The following EPS8L1 variants were observed in gnomAD, a reference collection of about 807,000 sequenced individuals.
EPS8L1 encodes the protein epidermal growth factor receptor kinase substrate 8-like protein 1.
EPS8L1 carries 101 observed loss-of-function variants against 91.7 expected under a neutral mutation model. The ratio of observed to expected loss-of-function variants is 1.10; its 90% CI spans 0.94 to 1.30. The LOEUF (loss-of-function observed/expected upper bound fraction) is 1.30. Among genes scored for constraint, EPS8L1 ranks in the 50% most tolerant of loss-of-function variants. EPS8L1 has a pLI of 0.00. For missense variants in EPS8L1, 1,114 were observed against 1,017.0 expected (o/e 1.10, Z -1.30); for synonymous variants, 506 against 445.3 (o/e 1.14, Z -1.72).
Position 55,083,514 on chromosome 19 carries a change from C to G in EPS8L1, c.1351C>G (p.Arg451Gly), listed in dbSNP as rs2076315426. ...ACAGCTACAGCACGAGCGGAGGCGC[C>G]GGCAGGTGACCCAAGCGACACAGCA... is the stretch of plus-strand genomic sequence containing the variant. ...EKQLQHERRR[R>G]QQSAPQVAVN... The change falls in exon 13 of 20, where the codon CGG becomes GGG. Residue 451 changes from arginine (R) to glycine (G), a missense_variant. Coordinates refer to ENST00000201647, the MANE Select transcript of EPS8L1 (RefSeq NM_133180.3). This position sits in a 1 kb window ranked among gnomAD's most constrained non-coding sequence, Gnocchi z 4.7. 1.2e-6 allele frequency: 2 copies of G among 1,609,426 alleles called. No homozygotes were observed. The highest frequency in any genetic ancestry group is 1.3e-5 in the African/African-American group (1 of 74,858).
At chr19:55,082,631 C>T (rs776905271) in intron 12 of EPS8L1, 29 bp downstream of exon 12, 3 of 1,539,302 alleles carry the variant, frequency 1.9e-6, no homozygotes, top group Non-Finnish European at 2.6e-6. Flanking sequence ...AGGCAGGGGG[C>T]ATGGTGATTG....
At chr19:55,080,407 A>C (rs1470009446) in intron 6 of EPS8L1, 129 bp downstream of exon 6, 1 of 1,581,638 alleles carries the variant, frequency 6.3e-7, no homozygotes, top group African/African-American at 1.3e-5. Flanking sequence ...AAGGAAGGGC[A>C]GGGGACCTGG....
In EPS8L1 at chr19:55,081,378, AGAG is replaced by A. The variant is rs2147143195; in HGVS notation, c.665_667del (p.Glu222del). ...CCCAGGCGAAGCCCATTCCCGAGGC[AGAG>A]GAGGCGCAGAGGCCTGAGCCGGTGG... On this transcript the variant is annotated inframe_deletion, in exon 8 of 20. Transcript: ENST00000201647. The surrounding 1 kb of genome is among the most constrained non-coding windows in gnomAD (Gnocchi z 4.9). 3.8e-6 allele frequency: 6 copies of A among 1,578,326 alleles called. No individual in the cohort carries two copies. Among genetic ancestry groups the A allele is most frequent in the Non-Finnish European group, 5.2e-6 (6 of 1,164,830 alleles).
intron 1 of EPS8L1, 173 bp from the exon 2 acceptor site, chr19:55,076,235 A>G: frequency 4.0e-6 from 2 of 501,514 alleles, no homozygotes; most frequent in Non-Finnish European, 6.9e-6. Context: ...GGGTCTAGGG[A>G]AGAGGGACTG....
chr19:55,076,535 C>A, intron 2 of EPS8L1, 74 bp downstream of exon 2: 2 of 1,541,622 alleles, frequency 1.3e-6, no homozygotes, highest in Non-Finnish European at 1.8e-6. Context: ...CCCACACCCG[C>A]TTGCGGCAGC....
chr19:55,079,543 G>A (rs768543036), intron 4 of EPS8L1, 147 bp from the exon 5 acceptor site: 18 of 910,570 alleles, frequency 2.0e-5, no homozygotes, highest in African/African-American at 3.4e-5. Context: ...ACTGGGAGGA[G>A]GAGCTGATTT....
intron 12 of EPS8L1, among the ~76,000 whole-genome samples, chr19:55,082,851 A>C (rs1307544569): frequency 1.9e-5 from 2 of 106,790 alleles, no homozygotes; most frequent in Non-Finnish European, 3.8e-5. Flanking sequence ...GGGGGCTTAA[A>C]GGAATAGAGG....
intron 2 of EPS8L1, among the ~76,000 whole-genome samples, chr19:55,077,777 C>A (rs935058382): frequency 2.0e-5 from 3 of 150,870 alleles, no homozygotes; most frequent in Non-Finnish European, 4.4e-5. Flanking sequence ...TTAGTAGAGA[C>A]AGGGTTTCAC....
intron 4 of EPS8L1, 90 bp from the exon 5 acceptor site, chr19:55,079,600 T>C: frequency 6.8e-7 from 1 of 1,466,032 alleles, no homozygotes; most frequent in Non-Finnish European, 9.2e-7. Flanking sequence ...GTGTGGTTAG[T>C]CTCAGGCTGA....
chr19:55,086,337 G>T, intron 16 of EPS8L1, 55 bp from the exon 17 acceptor site: 4 of 1,604,306 alleles, frequency 2.5e-6, no homozygotes, highest in Non-Finnish European at 2.6e-6. Context: ...AAGGGGAGAG[G>T]CTGGGACTCT....
rs773190961 is a variant in EPS8L1 at position 55,082,268 on chromosome 19, G to A, written c.991-7G>A. On this transcript the variant is annotated splice_region_variant and splice_polypyrimidine_tract_variant and intron_variant, in intron 10 of 19. Transcript: ENST00000201647. ...CCACGCCAACCACCTCCCTCCCCAC[G>A]CCCCAGGCCCGGCTGCGCGGCAACA... 1.9e-6 allele frequency: 3 copies of A among 1,610,258 alleles called. No individual in the cohort carries two copies.
In EPS8L1 at chr19:55,078,139, G is replaced by A. The variant is rs1159154328; in HGVS notation, c.58+11G>A. 4.3e-6 allele frequency: 7 copies of A among 1,612,962 alleles called. No individual in the cohort carries two copies. The highest frequency in any genetic ancestry group is 1.1e-5 in the South Asian group (1 of 91,010). ...CCAAGTCTATCTATGGTGAGCGGGGGGCAAGGGAGCCCCAGGCCCATAGAA... is the reference window on the plus strand; with the variant it reads ...CCAAGTCTATCTATGGTGAGCGGGGAGCAAGGGAGCCCCAGGCCCATAGAA... On this transcript the variant is annotated intron_variant, in intron 3 of 19. Transcript: ENST00000201647.
At chr19:55,080,333 C>G (rs1568781765) in intron 6 of EPS8L1, 55 bp downstream of exon 6, 2 of 1,541,168 alleles carry the variant, frequency 1.3e-6, no homozygotes, top group Non-Finnish European at 8.7e-7. Flanking sequence ...GAGCCTGGAG[C>G]CGGGGCGGAA....
At chr19:55,085,366 C>A (rs2076343358) in intron 14 of EPS8L1, among the ~76,000 whole-genome samples, 1 of 152,178 alleles carries the variant, frequency 6.6e-6, no homozygotes. Context: ...AGGGTTTCAC[C>A]ATGTTGGCCA....
At chr19:55,082,840 G>T (rs1468344407) in intron 12 of EPS8L1, among the ~76,000 whole-genome samples, 3 of 151,576 alleles carry the variant, frequency 2.0e-5, no homozygotes, top group African/African-American at 7.3e-5. Flanking sequence ...TGAAAGAAAA[G>T]GGGGGCTTAA....
rs369775102 is a variant in EPS8L1 at position 55,085,829 on chromosome 19, G to A, written c.1386-12G>A. Reference sequence around the variant, plus strand: ...CTGCCTCCTTATCTCCAACCCTCCCGCTTCTCCTCAGTCACCGAGACTTGG... The same window carrying A: ...CTGCCTCCTTATCTCCAACCCTCCCACTTCTCCTCAGTCACCGAGACTTGG... On this transcript the variant is annotated splice_polypyrimidine_tract_variant and intron_variant, in intron 14 of 19. Coordinates refer to ENST00000201647, the MANE Select transcript of EPS8L1 (RefSeq NM_133180.3). The A allele has an allele frequency of 5.3e-5, 85 of 1,609,200 alleles. No homozygotes were observed. Among genetic ancestry groups the A allele is most frequent in the Non-Finnish European group, 6.7e-5 (79 of 1,176,982 alleles).
At chr19:55,084,720 A>G (rs2076338447) in intron 14 of EPS8L1, 1 of 152,344 alleles carries the variant, frequency 6.6e-6, no homozygotes, top group Admixed American at 6.5e-5. Context: ...GCTGCCTGAT[A>G]TCGCAACCCT....
In EPS8L1 at chr19:55,080,246, G is replaced by GA; in HGVS notation, c.398dup (p.Asp133GlufsTer54). 3 of 1,535,756 alleles carry GA rather than the reference G, an allele frequency of 2.0e-6. No homozygotes were observed. Among genetic ancestry groups the GA allele is most frequent in the Non-Finnish European group, 2.6e-6 (3 of 1,136,282 alleles). On this transcript the variant is annotated frameshift_variant, in exon 6 of 20. Coordinates refer to ENST00000201647, the MANE Select transcript of EPS8L1 (RefSeq NM_133180.3). LOFTEE classifies it high-confidence loss of function. ...CCAGGAACCCGAGCGCGCGCAGCCC[G>GA]ACGTGCACTTCTTCCAGGGCCTGCG...
At chr19:55,080,972 G>A (rs2076245694) in intron 7 of EPS8L1, 118 bp downstream of exon 7, 4 of 1,009,986 alleles carry the variant, frequency 4.0e-6, no homozygotes, top group Non-Finnish European at 4.3e-6. Flanking sequence ...GCACACCCTA[G>A]TCGAGTCTTG....
Sources: allele counts gnomAD v4.1 joint callset (sites outside exome capture counted in the v4.1 genomes callset), GRCh38; gene constraint gnomAD v4.1.1; non-coding constraint Gnocchi (gnomAD v3.1); transcripts MANE v1.5; gene names NCBI Gene and HGNC (gene_info 2026-07-23, HGNC 2026-07-21).